The following SLCO6A1 variants were observed in gnomAD, a reference collection of about 807,000 sequenced individuals.
SLCO6A1 encodes solute carrier organic anion transporter family member 6A1, also known as cancer/testis antigen 48.
Under a neutral mutation model 72.7 loss-of-function variants are expected in SLCO6A1, and 65 were observed. The ratio of observed to expected loss-of-function variants is 0.89; its 90% CI spans 0.73 to 1.10. The LOEUF (loss-of-function observed/expected upper bound fraction) is 1.10. SLCO6A1 is among the 50% of genes least tolerant of loss of function. SLCO6A1 has a pLI of 0.00. For missense variants in SLCO6A1, 874 were observed against 872.6 expected (o/e 1.00, Z -0.02); for synonymous variants, 314 against 298.2 (o/e 1.05, Z -0.55).
intron 1 of SLCO6A1, among the ~76,000 whole-genome samples, chr5:102,492,041 G>A (rs1246085002): frequency 6.6e-6 from 1 of 152,240 alleles, no homozygotes; most frequent in Non-Finnish European, 1.5e-5. Flanking sequence ...GGAAGAGAGT[G>A]AAGGGGAAGT....
At position 102,413,050 on chromosome 5, in the gene SLCO6A1, A is replaced by AAT. The variant is rs773144912; in HGVS notation, c.1564_1565dup (p.Glu523LeufsTer33). On this transcript the variant is annotated frameshift_variant, in exon 9 of 14. Coordinates refer to ENST00000506729, the MANE Select transcript of SLCO6A1 (RefSeq NM_173488.5). LOFTEE classifies it high-confidence loss of function. ...CTGCAAAGCAGGGAGAAAAATATTC[A>AAT]ATATCATCTCTTCCACATATAGAAG... is the stretch of plus-strand genomic sequence containing the variant. 1.9e-6 allele frequency: 3 copies of AAT among 1,570,132 alleles called. No homozygotes were observed. The highest frequency in any genetic ancestry group is 1.4e-5 in the African/African-American group (1 of 72,890).
Position 102,399,721 on chromosome 5 carries a change from T to C in SLCO6A1, c.1648A>G (p.Ile550Val). 6.3e-7 allele frequency: 1 copy of C among 1,576,708 alleles called. No homozygotes were observed. The highest frequency in any genetic ancestry group is 8.6e-7 in the Non-Finnish European group (1 of 1,157,650). The stretch of plus-strand genomic sequence containing the variant: ...TCTGCAGTTATTAATCCTTCTTTAA[T>C]GCAAGAACAATTGTAGTACATCTGT... The part of the protein sequence containing the change: ...QKKMYYNCSC[I>V]KEGLITADAE... The change falls in exon 10 of 14, where the codon ATT becomes GTT. Residue 550 changes from isoleucine (I) to valine (V), a missense_variant. Physicochemically the swap from Ile to Val is conservative, Grantham distance 29. Coordinates refer to ENST00000506729, the MANE Select transcript of SLCO6A1 (RefSeq NM_173488.5).
intron 6 of SLCO6A1, among the ~76,000 whole-genome samples, chr5:102,444,930 C>T (rs1264088705): frequency 6.6e-6 from 1 of 152,130 alleles, no homozygotes; most frequent in Non-Finnish European, 1.5e-5. Flanking sequence ...GCATAGTATT[C>T]CATGGTGTAT....
At chr5:102,488,936 T>C (rs1752557001) in intron 1 of SLCO6A1, among the ~76,000 whole-genome samples, 2 of 152,142 alleles carry the variant, frequency 1.3e-5, no homozygotes, top group Non-Finnish European at 1.5e-5. Flanking sequence ...ATTGGGAGAA[T>C]TGAGAGACAG....
At chr5:102,436,926 A>G (rs1482382981) in intron 7 of SLCO6A1, among the ~76,000 whole-genome samples, 1 of 152,208 alleles carries the variant, frequency 6.6e-6, no homozygotes, top group Non-Finnish European at 1.5e-5. Flanking sequence ...GAAATGATAG[A>G]TTCAAGAACA....
chr5:102,426,220 G>A (rs1240379130), intron 7 of SLCO6A1, among the ~76,000 whole-genome samples: 2 of 151,874 alleles, frequency 1.3e-5, no homozygotes, highest in East Asian at 1.9e-4. Context: ...CAAAGACTTC[G>A]TGACTAAAAC....
chr5:102,402,299 T>G (rs1390980105), intron 9 of SLCO6A1, among the ~76,000 whole-genome samples: 3 of 152,120 alleles, frequency 2.0e-5, no homozygotes, highest in Non-Finnish European at 4.4e-5. Flanking sequence ...TACTAACCAC[T>G]GTATTAGAAA....
At chr5:102,394,785 T>C (rs1746970494) in intron 10 of SLCO6A1, among the ~76,000 whole-genome samples, 1 of 152,132 alleles carries the variant, frequency 6.6e-6, no homozygotes, top group Admixed American at 6.5e-5. Flanking sequence ...CATTTATAGT[T>C]ACTTGTATGT....
At chr5:102,429,215 T>A (rs760778380) in intron 7 of SLCO6A1, among the ~76,000 whole-genome samples, 8 of 152,212 alleles carry the variant, frequency 5.3e-5, no homozygotes, top group Admixed American at 6.5e-5. Flanking sequence ...CTTTGTCAGA[T>A]GCTTACCTTG....
chr5:102,493,528 C>A (rs908597299), intron 1 of SLCO6A1, among the ~76,000 whole-genome samples: 1 of 152,142 alleles, frequency 6.6e-6, no homozygotes, highest in African/African-American at 2.4e-5. Flanking sequence ...ATAAAACCTA[C>A]AGTTAACATA....
At chr5:102,430,673 T>G (rs1749167784) in intron 7 of SLCO6A1, among the ~76,000 whole-genome samples, 1 of 152,200 alleles carries the variant, frequency 6.6e-6, no homozygotes, top group Non-Finnish European at 1.5e-5. Flanking sequence ...GGATTAGCTT[T>G]TGATGTACTG....
chr5:102,477,313 A>G (rs182481089), intron 3 of SLCO6A1, among the ~76,000 whole-genome samples: 1 of 151,918 alleles, frequency 6.6e-6, no homozygotes, highest in Admixed American at 6.6e-5. Context: ...TAGTAAAGAC[A>G]GGGTTTCACT....
chr5:102,387,340 G>A (rs1022154353), intron 12 of SLCO6A1, among the ~76,000 whole-genome samples: 8 of 152,030 alleles, frequency 5.3e-5, no homozygotes, highest in African/African-American at 9.6e-5. Context: ...TTAATTATTC[G>A]TATCTCCTTT....
Position 102,376,400 on chromosome 5 carries a change from A to T in SLCO6A1, c.2018-2906T>A, listed in dbSNP as rs577704438. ...CATACACATACATCATATTAATATTAAAGACAAGATAGATTTTAAGAAAAA... is the reference window on the plus strand; with the variant it reads ...CATACACATACATCATATTAATATTTAAGACAAGATAGATTTTAAGAAAAA... On this transcript the variant is annotated intron_variant, in intron 12 of 13. Coordinates refer to ENST00000506729, the MANE Select transcript of SLCO6A1 (RefSeq NM_173488.5). 4.5e-4 allele frequency among the ~76,000 whole-genome samples: 69 copies of T among 152,272 alleles called. 1 individual carries two copies. The South Asian group carries it at 0.013, about 30-fold the overall frequency.
chr5:102,416,537 A>T (rs2112601598), intron 8 of SLCO6A1, among the ~76,000 whole-genome samples: 1 of 152,172 alleles, frequency 6.6e-6, no homozygotes, highest in Non-Finnish European at 1.5e-5. Flanking sequence ...GTGTACCCAT[A>T]ATTGTAGAGA....
At chr5:102,482,015 C>T (rs1210358722) in intron 1 of SLCO6A1, among the ~76,000 whole-genome samples, 3 of 152,154 alleles carry the variant, frequency 2.0e-5, no homozygotes, top group Admixed American at 6.5e-5. Context: ...CATATAAAAA[C>T]TTTGCTGCAC....
rs557072752 is a variant in SLCO6A1, at chr5:102,466,888, T to A, written c.900-7111A>T. Among the ~76,000 whole-genome samples, 40 of 152,258 alleles carry A rather than the reference T, an allele frequency of 2.6e-4. No individual in the cohort carries two copies. In the East Asian group the frequency reaches 7.7e-3, roughly 29 times the overall value. ...AGTTGTTTGTTTTTATTCTTGTAAA[T>A]TTATATTCCTTATAGATGCTGGATA... On this transcript the variant is annotated intron_variant, in intron 4 of 13. Transcript: ENST00000506729.
At chr5:102,460,633 A>T (rs1388027498) in intron 4 of SLCO6A1, among the ~76,000 whole-genome samples, 1 of 151,480 alleles carries the variant, frequency 6.6e-6, no homozygotes, top group East Asian at 2.0e-4. Context: ...CACATTTAAG[A>T]CCCCCTCCAA....
At chr5:102,477,948 G>T in intron 2 of SLCO6A1, 87 bp from the exon 3 acceptor site, 3 of 1,296,224 alleles carry the variant, frequency 2.3e-6, no homozygotes, top group South Asian at 1.5e-5. Flanking sequence ...TATTTTACAA[G>T]CTATTTCCAA....
Sources: gnomAD v4.1 joint callset for allele counts (sites outside exome capture counted in the v4.1 genomes callset) on GRCh38, gnomAD v4.1.1 for gene constraint, MANE v1.5 for transcripts, NCBI Gene and HGNC (gene_info 2026-07-23, HGNC 2026-07-21) for gene names.